Variants in PDE1C observed in about 807,000 individuals in gnomAD.
PDE1C encodes the protein dual specificity calcium/calmodulin-dependent 3',5'-cyclic nucleotide phosphodiesterase 1C.
A neutral mutation model predicts 93.1 loss-of-function variants in PDE1C; 62 were observed. The observed-to-expected ratio is 0.67, with a 90% CI of 0.54 to 0.82. PDE1C has a LOEUF of 0.82. PDE1C is among the 40% of genes least tolerant of loss of function. The probability of loss-of-function intolerance (pLI) is 0.00; values close to 1 mark genes in which losing one functional copy is unlikely to be tolerated. For missense variants in PDE1C, 742 were observed against 884.6 expected (o/e 0.84, Z 2.04); for synonymous variants, 325 against 310.1 (o/e 1.05, Z -0.50).
intron 1 of PDE1C, among the ~76,000 whole-genome samples, chr7:32,424,942 G>A (rs1288549835): frequency 2.0e-5 from 3 of 152,132 alleles, no homozygotes; most frequent in Non-Finnish European, 2.9e-5. Flanking sequence ...TTTAGAACCA[G>A]ACAACCTGTG....
intron 6 of PDE1C, among the ~76,000 whole-genome samples, chr7:31,869,189 AAAT>A (rs1176204193): frequency 6.6e-6 from 1 of 152,086 alleles, no homozygotes; most frequent in East Asian, 1.9e-4. Flanking sequence ...CCACAATTAT[AAAT>A]AATAAGAATG....
chr7:32,233,860 GCAGAA>G (rs1807882671), intron 1 of PDE1C, among the ~76,000 whole-genome samples: 1 of 151,882 alleles, frequency 6.6e-6, no homozygotes, highest in South Asian at 2.1e-4. Context: ...CTCAAAACTA[GCAGAA>G]CAGAACATTC....
At chr7:32,128,188 T>C (rs1204884908) in intron 3 of PDE1C, among the ~76,000 whole-genome samples, 2 of 149,124 alleles carry the variant, frequency 1.3e-5, no homozygotes, top group South Asian at 4.3e-4. Context: ...TTAGTGCCTA[T>C]TGTATGTAAG....
chr7:32,395,755 A>C (rs1784830287), intron 1 of PDE1C, among the ~76,000 whole-genome samples: 1 of 152,224 alleles, frequency 6.6e-6, no homozygotes, highest in South Asian at 2.1e-4. Context: ...CACGAGTAGC[A>C]GACAGAGATA....
At chr7:32,415,080 A>C (rs1039594193) in intron 1 of PDE1C, among the ~76,000 whole-genome samples, 16 of 152,274 alleles carry the variant, frequency 1.1e-4, no homozygotes, top group African/African-American at 3.6e-4. Context: ...CCTTAATCTC[A>C]ACACTTTGGG....
intron 5 of PDE1C, among the ~76,000 whole-genome samples, chr7:31,873,655 G>C (rs1449365307): frequency 3.9e-5 from 6 of 152,150 alleles, no homozygotes; most frequent in Admixed American, 3.9e-4. Context: ...CTGTATGACA[G>C]GCATTATGGT....
intron 9 of PDE1C, among the ~76,000 whole-genome samples, chr7:31,843,744 T>A (rs904673576): frequency 6.6e-6 from 1 of 151,864 alleles, no homozygotes; most frequent in African/African-American, 2.4e-5. Flanking sequence ...ATTATCACCT[T>A]TGCTTTTTTC....
the PDE1C span, among the ~76,000 whole-genome samples, chr7:31,663,066 C>T: frequency 3.3e-5 from 5 of 152,168 alleles, no homozygotes; most frequent in South Asian, 4.1e-4. Flanking sequence ...TTATAACTCC[C>T]GGTGCTGGAC....
intron 1 of PDE1C, among the ~76,000 whole-genome samples, chr7:32,059,230 G>A (rs946705718): frequency 1.3e-5 from 2 of 152,184 alleles, no homozygotes; most frequent in African/African-American, 4.8e-5. Flanking sequence ...AGTGTGGTTT[G>A]GGGGTGGGGA....
chr7:32,141,237 C>T (rs531359348), intron 3 of PDE1C, among the ~76,000 whole-genome samples: 3 of 152,214 alleles, frequency 2.0e-5, no homozygotes, highest in East Asian at 1.9e-4. Context: ...ACTAAGAAAG[C>T]GAGAGAATAG....
intron 2 of PDE1C, among the ~76,000 whole-genome samples, chr7:32,003,016 T>G (rs577563348): frequency 2.6e-5 from 4 of 152,356 alleles, no homozygotes; most frequent in African/African-American, 7.2e-5. Context: ...TGAGGTCTAC[T>G]AATATACTAA....
At chr7:31,964,586 T>A (rs1311843260) in intron 2 of PDE1C, among the ~76,000 whole-genome samples, 1 of 152,242 alleles carries the variant, frequency 6.6e-6, no homozygotes, top group Non-Finnish European at 1.5e-5. Context: ...AATGTCCCTG[T>A]CTGTCAGCTT....
At chr7:32,275,218 C>T (rs1811202096) in intron 1 of PDE1C, among the ~76,000 whole-genome samples, 1 of 152,142 alleles carries the variant, frequency 6.6e-6, no homozygotes, top group Non-Finnish European at 1.5e-5. Context: ...GCCTTTTCTA[C>T]TGCTAGCAAA....
At chr7:32,172,121 T>A (rs939711678) in intron 2 of PDE1C, among the ~76,000 whole-genome samples, 3 of 151,740 alleles carry the variant, frequency 2.0e-5, no homozygotes, top group African/African-American at 4.8e-5. Context: ...GAGCAAAAAA[T>A]TTTTTAAGTA....
intron 2 of PDE1C, among the ~76,000 whole-genome samples, chr7:32,204,259 G>C (rs983087644): frequency 2.6e-5 from 4 of 152,130 alleles, no homozygotes; most frequent in Admixed American, 6.5e-5. Flanking sequence ...CTTGTGAATT[G>C]TTTATTCCTG....
At chr7:31,700,669 G>T in the PDE1C span, among the ~76,000 whole-genome samples, 1 of 152,140 alleles carries the variant, frequency 6.6e-6, no homozygotes, top group Admixed American at 6.5e-5. Flanking sequence ...TCAATGCCTG[G>T]CTTCAAAACT....
At chr7:31,739,888 A>G in the PDE1C span, among the ~76,000 whole-genome samples, 2 of 152,250 alleles carry the variant, frequency 1.3e-5, no homozygotes, top group African/African-American at 4.8e-5. Context: ...CATGTGGATC[A>G]TGAACTTTCA....
chr7:31,875,758 C>CAAG (rs1796466593), intron 5 of PDE1C, among the ~76,000 whole-genome samples: 1 of 124,050 alleles, frequency 8.1e-6, no homozygotes, highest in Non-Finnish European at 1.6e-5. Flanking sequence ...TCTCAGAAGA[C>CAAG]AAGAGGTAGA....
At chr7:32,259,934 A>C (rs1810080955) in intron 1 of PDE1C, among the ~76,000 whole-genome samples, 1 of 152,192 alleles carries the variant, frequency 6.6e-6, no homozygotes, top group Admixed American at 6.5e-5. Flanking sequence ...ACAAACCTGC[A>C]GCAGGTCCTT....
Sources: allele counts gnomAD v4.1 joint callset (sites outside exome capture counted in the v4.1 genomes callset), GRCh38; gene constraint gnomAD v4.1.1; transcripts MANE v1.5; gene names NCBI Gene and HGNC (gene_info 2026-07-23, HGNC 2026-07-21).